The following SLC17A3 variants were observed in gnomAD, a reference collection of about 807,000 sequenced individuals.
SLC17A3 encodes solute carrier family 17 member 3, also known as sodium-dependent phosphate transport protein 4.
A neutral mutation model predicts 60.3 loss-of-function variants in SLC17A3; 61 were observed. The ratio of observed to expected loss-of-function variants is 1.01; its 90% CI spans 0.82 to 1.25. SLC17A3 has a LOEUF of 1.25. Among genes scored for constraint, SLC17A3 ranks in the 50% most tolerant of loss-of-function variants. SLC17A3 has a pLI of 0.00. For missense variants in SLC17A3, 624 were observed against 594.9 expected (o/e 1.05, Z -0.51); for synonymous variants, 192 against 208.9 (o/e 0.92, Z 0.70).
intron 1 of SLC17A3, among the ~76,000 whole-genome samples, chr6:25,872,812 T>C (rs1003497640): frequency 2.0e-5 from 3 of 151,976 alleles, no homozygotes; most frequent in Non-Finnish European, 4.4e-5. Flanking sequence ...CAACGTCCCC[T>C]GATTCCATAC....
chr6:25,852,407 G>T (rs1765293289), intron 6 of SLC17A3, among the ~76,000 whole-genome samples: 1 of 151,862 alleles, frequency 6.6e-6, no homozygotes, highest in Non-Finnish European at 1.5e-5. Flanking sequence ...GAAAATTTTT[G>T]GCCATTGTTT....
intron 1 of SLC17A3, among the ~76,000 whole-genome samples, chr6:25,871,355 T>C (rs1339366920): frequency 6.6e-6 from 1 of 151,932 alleles, no homozygotes; most frequent in East Asian, 1.9e-4. Context: ...TGGATGAAGC[T>C]GGAAACCATC....
intron 11 of SLC17A3, among the ~76,000 whole-genome samples, chr6:25,847,746 T>A (rs1233092913): frequency 1.3e-5 from 2 of 152,050 alleles, no homozygotes. Flanking sequence ...TATTATTTTT[T>A]AATTTTTTTA....
chr6:25,872,797 C>A (rs501220), intron 1 of SLC17A3, among the ~76,000 whole-genome samples: 29,642 of 151,668 alleles, frequency 0.2, 4,192 homozygotes, highest in African/African-American at 0.4. Flanking sequence ...TCTCCACAGA[C>A]AGGTCAACGT....
intron 3 of SLC17A3, 100 bp downstream of exon 3, chr6:25,862,133 C>A (rs1490140898): frequency 7.1e-7 from 1 of 1,404,468 alleles, no homozygotes; most frequent in African/African-American, 1.4e-5. Context: ...TCACTATTTT[C>A]TCCATTAAAG....
intron 5 of SLC17A3, among the ~76,000 whole-genome samples, chr6:25,861,170 A>C (rs1486467804): frequency 2.0e-5 from 3 of 152,206 alleles, no homozygotes; most frequent in Non-Finnish European, 4.4e-5. Flanking sequence ...GATCATTGTC[A>C]GCAAGAAGTT....
chr6:25,861,596 T>C, intron 5 of SLC17A3, 28 bp downstream of exon 5: 2 of 1,576,990 alleles, frequency 1.3e-6, no homozygotes, highest in Non-Finnish European at 1.7e-6. Flanking sequence ...TGGATTGTAG[T>C]GTACCCATTT....
chr6:25,858,836 T>C (rs920484973), intron 5 of SLC17A3, among the ~76,000 whole-genome samples: 12 of 152,216 alleles, frequency 7.9e-5, no homozygotes, highest in African/African-American at 2.9e-4. Context: ...CAAATACATA[T>C]ACATGCATTC....
chr6:25,869,602 A>G (rs2067193687), intron 1 of SLC17A3, among the ~76,000 whole-genome samples: 1 of 151,990 alleles, frequency 6.6e-6, no homozygotes, highest in Admixed American at 6.6e-5. Context: ...CCTCACACTC[A>G]TGGCAAAAGG....
chr6:25,849,738 C>A, intron 10 of SLC17A3, 67 bp downstream of exon 10: 1 of 1,556,974 alleles, frequency 6.4e-7, no homozygotes, highest in Non-Finnish European at 8.9e-7. Flanking sequence ...GTTTGGGGAT[C>A]CCAGAAAGCT....
intron 5 of SLC17A3, 134 bp downstream of exon 5, chr6:25,861,490 A>G: frequency 1.3e-6 from 1 of 769,562 alleles, no homozygotes; most frequent in African/African-American, 1.7e-5. Flanking sequence ...TAGACAAAGG[A>G]CCAGTCTTTT....
chr6:25,852,184 C>T (rs1765289248), intron 6 of SLC17A3, among the ~76,000 whole-genome samples: 1 of 152,058 alleles, frequency 6.6e-6, no homozygotes, highest in African/African-American at 2.4e-5. Flanking sequence ...TCTTGCACTG[C>T]TTCTAACAGG....
intron 6 of SLC17A3, among the ~76,000 whole-genome samples, chr6:25,852,064 C>CT (rs796891451): frequency 1.1e-3 from 158 of 149,020 alleles, no homozygotes; most frequent in Non-Finnish European, 1.4e-3. Context: ...GTTTTTGAAA[C>CT]TTTTTTTTTT....
intron 1 of SLC17A3, among the ~76,000 whole-genome samples, chr6:25,873,841 G>A (rs1258279516): frequency 6.6e-6 from 1 of 152,100 alleles, no homozygotes; most frequent in Non-Finnish European, 1.5e-5. Flanking sequence ...TGAAAGAGAT[G>A]ATATTTGTTC....
intron 1 of SLC17A3, among the ~76,000 whole-genome samples, chr6:25,872,824 G>A (rs112404092): frequency 3.3e-5 from 5 of 151,734 alleles, no homozygotes; most frequent in African/African-American, 7.3e-5. Context: ...ATTCCATACC[G>A]ATCTTCCCAT....
At chr6:25,872,486 T>C (rs1765660804) in intron 1 of SLC17A3, among the ~76,000 whole-genome samples, 1 of 150,774 alleles carries the variant, frequency 6.6e-6, no homozygotes, top group Non-Finnish European at 1.5e-5. Flanking sequence ...CATATCTATA[T>C]CCACAAAGAC....
In SLC17A3 at chr6:25,850,128, A is replaced by G. The variant is rs1765247965; in HGVS notation, c.1043T>C (p.Met348Thr). The change falls in exon 9 of 13, where the codon ATG (methionine) becomes ACG (threonine). Residue 348 changes from methionine (M) to threonine (T), a missense_variant. By Grantham distance (81) the Met-to-Thr change is moderately conservative. Transcript: ENST00000397060. ...LPFIVAWVIG[M>T]VGGYLADFLL... is the part of the protein sequence containing the mutation. ...GAAATCTGCCAGATAGCCTCCCACC[A>G]TGCCTATGACCCAGGCAACAATAAA... is the stretch of plus-strand genomic sequence containing the variant. The G allele has an allele frequency of 1.2e-6, 2 of 1,613,658 alleles. No individual in the cohort carries two copies. The highest frequency in any genetic ancestry group is 2.7e-5 in the African/African-American group (2 of 75,032).
At chr6:25,870,602 A>C (rs1765625448) in intron 1 of SLC17A3, among the ~76,000 whole-genome samples, 1 of 151,960 alleles carries the variant, frequency 6.6e-6, no homozygotes, top group Non-Finnish European at 1.5e-5. Context: ...TCTTCACAGC[A>C]CATCAGCCTC....
At chr6:25,845,549 C>G in intron 11 of SLC17A3, 33 bp from the exon 12 acceptor site, 1 of 1,611,790 alleles carries the variant, frequency 6.2e-7, no homozygotes, top group Non-Finnish European at 8.5e-7. Flanking sequence ...ATATATTACC[C>G]CTTTCATATT....
Sources: gnomAD v4.1 joint callset for allele counts (sites outside exome capture counted in the v4.1 genomes callset) on GRCh38, gnomAD v4.1.1 for gene constraint, MANE v1.5 for transcripts, NCBI Gene and HGNC (gene_info 2026-07-23, HGNC 2026-07-21) for gene names.